The following RAD54L2 variants were observed in gnomAD, a reference collection of about 807,000 sequenced individuals.
RAD54L2 encodes RAD54 like 2.
RAD54L2 carries 27 observed loss-of-function variants against 138.4 expected under a neutral mutation model. The observed-to-expected ratio is 0.20, with a 90% CI of 0.14 to 0.27. The LOEUF (loss-of-function observed/expected upper bound fraction) is 0.27. RAD54L2 is among the 10% of genes least tolerant of loss of function. The probability of loss-of-function intolerance (pLI) is 1.00; values close to 1 mark genes in which losing one functional copy is unlikely to be tolerated. For synonymous variants in RAD54L2, 644 were observed against 723.2 expected, an observed-to-expected ratio of 0.89 and a Z score of 1.76; for missense variants, 1,396 against 1,890.2, an observed-to-expected ratio of 0.74 and a Z score of 4.85.
At chr3:51,641,101 C>T (rs532746394) in intron 14 of RAD54L2, among the ~76,000 whole-genome samples, 1 of 150,458 alleles carries the variant, frequency 6.6e-6, no homozygotes, top group Non-Finnish European at 1.5e-5. Context: ...TTCCCAGGTT[C>T]AAACGATTCT....
intron 3 of RAD54L2, among the ~76,000 whole-genome samples, chr3:51,607,413 C>A (rs1700211421): frequency 6.6e-6 from 1 of 152,088 alleles, no homozygotes; most frequent in Non-Finnish European, 1.5e-5. Flanking sequence ...TCAGAGAGCA[C>A]GGGGTTGGGG....
At position 51,638,036 on chromosome 3, in the gene RAD54L2, A is replaced by C. The variant is rs1701030739; in HGVS notation, c.1683-108A>C. On this transcript the variant is annotated intron_variant, in intron 11 of 22. Transcript: ENST00000684192. The surrounding 1 kb of genome is among the most constrained non-coding windows in gnomAD (Gnocchi z 4.3). ...TTGCAAGGCTGCAGTGCATGTTGAG[A>C]TCCTCAAGAGGGAGGTGTGGCAGGA... is the stretch of plus-strand genomic sequence containing the variant. 2 of 1,030,542 alleles carry C rather than the reference A, an allele frequency of 1.9e-6. No individual in the cohort carries two copies. Among genetic ancestry groups the C allele is most frequent in the Non-Finnish European group, 2.9e-6 (2 of 699,742 alleles). The allele number at this position is 1,030,542 out of a possible 1,614,324, so 63.8% of individuals were successfully genotyped here.
At position 51,663,284 on chromosome 3, in the gene RAD54L2, A is replaced by C; in HGVS notation, c.4268A>C (p.His1423Pro). The change falls in exon 23 of 23, where the codon CAT becomes CCT. Residue 1423 changes from histidine to proline, a missense_variant. Transcript: ENST00000684192. Reference sequence around the variant, plus strand: ...ATCTATCCAGGCTACATGTCCCCACATGCAGGCTACCCAGCTGGTGGCCTC... The same window carrying C: ...ATCTATCCAGGCTACATGTCCCCACCTGCAGGCTACCCAGCTGGTGGCCTC... ...MSIYPGYMSP[H>P]AGYPAGGLLR... 1 of 1,613,982 alleles carries C rather than the reference A, an allele frequency of 6.2e-7. No homozygotes were observed. The highest frequency in any genetic ancestry group is 8.5e-7 in the Non-Finnish European group (1 of 1,179,894).
intron 2 of RAD54L2, among the ~76,000 whole-genome samples, chr3:51,560,395 T>C (rs948655797): frequency 7.3e-5 from 11 of 150,980 alleles, no homozygotes; most frequent in African/African-American, 2.4e-4. Context: ...AGTCTCGCTC[T>C]GTCACCTAGG....
At chr3:51,579,110 G>A (rs1025988887) in intron 2 of RAD54L2, among the ~76,000 whole-genome samples, 3 of 151,196 alleles carry the variant, frequency 2.0e-5, no homozygotes, top group South Asian at 2.1e-4. Context: ...ACATCCAACC[G>A]TAGTCTCTGA....
At chr3:51,591,587 G>A (rs1178018381) in intron 3 of RAD54L2, among the ~76,000 whole-genome samples, 5 of 152,082 alleles carry the variant, frequency 3.3e-5, no homozygotes, top group African/African-American at 7.2e-5. Context: ...CCATTTCTGC[G>A]GGGAAATGAC....
chr3:51,598,770 C>A (rs1700024036), intron 3 of RAD54L2, among the ~76,000 whole-genome samples: 1 of 151,852 alleles, frequency 6.6e-6, no homozygotes, highest in Admixed American at 6.6e-5. Context: ...AAACAAAAAA[C>A]CCTAGAGGAC....
chr3:51,581,185 T>C (rs1202796985), intron 2 of RAD54L2, among the ~76,000 whole-genome samples: 6 of 152,064 alleles, frequency 3.9e-5, no homozygotes, highest in Non-Finnish European at 8.8e-5. Flanking sequence ...GCAACCTCCA[T>C]CTCCTGGGTT....
At chr3:51,572,640 TC>T (rs1699361797) in intron 2 of RAD54L2, among the ~76,000 whole-genome samples, 1 of 148,682 alleles carries the variant, frequency 6.7e-6, no homozygotes, top group Admixed American at 6.7e-5. Context: ...GTGCTATAAA[TC>T]TTTTTTTTTT....
At chr3:51,629,617 G>T in intron 5 of RAD54L2, 144 bp downstream of exon 5, 13 of 1,076,684 alleles carry the variant, frequency 1.2e-5, no homozygotes, top group Non-Finnish European at 1.7e-5. Context: ...CCAGCATTAT[G>T]GGAGGCTGAG....
At chr3:51,569,201 C>G (rs1364791816) in intron 2 of RAD54L2, among the ~76,000 whole-genome samples, 1 of 152,070 alleles carries the variant, frequency 6.6e-6, no homozygotes, top group Admixed American at 6.6e-5. Flanking sequence ...CACTGGTCTT[C>G]CTAATTATTT....
At chr3:51,653,149 C>A (rs2106840175) in intron 19 of RAD54L2, among the ~76,000 whole-genome samples, 1 of 152,300 alleles carries the variant, frequency 6.6e-6, no homozygotes, top group South Asian at 2.1e-4. Flanking sequence ...CAAAAGAAGA[C>A]ATTTAGGCAG....
intron 3 of RAD54L2, among the ~76,000 whole-genome samples, chr3:51,602,146 AT>A (rs964035136): frequency 6.8e-4 from 104 of 151,978 alleles, no homozygotes; most frequent in African/African-American, 2.5e-3. Context: ...TTTCTTTCTT[AT>A]TTTTTTGGCC....
At chr3:51,640,478 C>T (rs898634863) in intron 14 of RAD54L2, among the ~76,000 whole-genome samples, 2 of 152,188 alleles carry the variant, frequency 1.3e-5, no homozygotes, top group South Asian at 4.1e-4. Flanking sequence ...GTTATATTCT[C>T]AGTCTGGCTA....
At chr3:51,575,201 G>A (rs1387993364) in intron 2 of RAD54L2, among the ~76,000 whole-genome samples, 2 of 152,120 alleles carry the variant, frequency 1.3e-5, no homozygotes, top group Non-Finnish European at 2.9e-5. Context: ...TGTTCCATTG[G>A]TCTATATCTC....
intron 2 of RAD54L2, among the ~76,000 whole-genome samples, chr3:51,548,392 C>T (rs1169582275): frequency 1.3e-5 from 2 of 151,364 alleles, no homozygotes; most frequent in East Asian, 1.9e-4. Flanking sequence ...TTCACCATGT[C>T]GGCCAGGCTG....
Position 51,665,646 on chromosome 3 carries a change from G to T in RAD54L2, c.*2226G>T, listed in dbSNP as rs1404870917. On this transcript the variant is annotated 3_prime_UTR_variant, in exon 23 of 23. Transcript: ENST00000684192. The stretch of plus-strand genomic sequence containing the variant: ...TTCAGATGCATCCCAAGAATGGATG[G>T]TGAAGGGACTCAGTTGGAGTGAGCT... 6.6e-6 allele frequency: 1 copy of T among 152,218 alleles called. No individual in the cohort carries two copies. Among genetic ancestry groups the T allele is most frequent in the Non-Finnish European group, 1.5e-5 (1 of 68,040 alleles). 9.4% of individuals were successfully genotyped at this position (152,218 alleles called of 1,614,324 possible). A position where few individuals can be genotyped will look rare whatever the true frequency, so the allele number is the denominator to read the frequency against.
Position 51,656,056 on chromosome 3 carries a change from G to T in RAD54L2, c.3112G>T (p.Val1038Phe). The T allele has an allele frequency of 6.2e-7, 1 of 1,614,042 alleles. No individual in the cohort carries two copies. Among genetic ancestry groups the T allele is most frequent in the Middle Eastern group, 1.6e-4 (1 of 6,062 alleles). Residue 1038 changes from valine (V) to phenylalanine (F), a missense_variant, in exon 20 of 23, where the codon GTC (valine) becomes TTC (phenylalanine). Coordinates refer to ENST00000684192, the MANE Select transcript of RAD54L2 (RefSeq NM_015106.4). ...STPIPMMPRH[V>F]PLGGSVSSAS... ...CCCCATCCCCATGATGCCCCGGCAT[G>T]TCCCATTGGGAGGAAGTGTAAGCTC...
At chr3:51,571,022 T>C (rs968855211) in intron 2 of RAD54L2, among the ~76,000 whole-genome samples, 2 of 152,202 alleles carry the variant, frequency 1.3e-5, no homozygotes, top group Admixed American at 1.3e-4. Context: ...GGTTTCACCA[T>C]GTTGTCCAGG....
Sources: allele counts gnomAD v4.1 joint callset (sites outside exome capture counted in the v4.1 genomes callset), GRCh38; gene constraint gnomAD v4.1.1; non-coding constraint Gnocchi (gnomAD v3.1); transcripts MANE v1.5; gene names NCBI Gene and HGNC (gene_info 2026-07-23, HGNC 2026-07-21).